Variants in LRRTM4 observed in about 807,000 individuals in gnomAD.
LRRTM4 encodes the protein leucine rich repeat transmembrane neuronal 4.
A neutral mutation model predicts 47.6 loss-of-function variants in LRRTM4; 25 were observed. That is an observed-to-expected ratio of 0.53 (90% CI 0.38 to 0.73). The LOEUF is 0.73. LRRTM4 is among the 30% of genes least tolerant of loss of function. The pLI is 0.00. For synonymous variants in LRRTM4, 311 were observed against 269.5 expected, an observed-to-expected ratio of 1.15 and a Z score of -1.51; for missense variants, 638 against 713.4, an observed-to-expected ratio of 0.89 and a Z score of 1.20.
At chr2:77,146,976 T>G (rs564230719) in intron 3 of LRRTM4, among the ~76,000 whole-genome samples, 2 of 152,342 alleles carry the variant, frequency 1.3e-5, no homozygotes, top group East Asian at 3.9e-4. Context: ...ATGAATGTAC[T>G]CATCATTAAC....
intron 3 of LRRTM4, among the ~76,000 whole-genome samples, chr2:76,786,579 AC>A (rs1303357763): frequency 6.6e-6 from 1 of 152,078 alleles, no homozygotes; most frequent in African/African-American, 2.4e-5. Context: ...ACCTACATTA[AC>A]AAACAGAGGA....
At chr2:77,210,695 C>A (rs889463387) in intron 3 of LRRTM4, among the ~76,000 whole-genome samples, 1 of 152,080 alleles carries the variant, frequency 6.6e-6, no homozygotes, top group African/African-American at 2.4e-5. Context: ...TTTCCCACTG[C>A]GTTTTCAGGG....
At chr2:77,498,322 G>A (rs1242537380) in intron 3 of LRRTM4, among the ~76,000 whole-genome samples, 3 of 151,816 alleles carry the variant, frequency 2.0e-5, no homozygotes, top group East Asian at 1.9e-4. Flanking sequence ...TCTTTTTAGC[G>A]ATTGTAGAAA....
chr2:77,407,449 C>A (rs547233918), intron 3 of LRRTM4, among the ~76,000 whole-genome samples: 1 of 150,212 alleles, frequency 6.7e-6, no homozygotes, highest in Non-Finnish European at 1.5e-5. Context: ...TAGTTTTGAG[C>A]GCAGGTTTTG....
chr2:77,114,152 A>G (rs928615343), intron 3 of LRRTM4, among the ~76,000 whole-genome samples: 1 of 152,106 alleles, frequency 6.6e-6, no homozygotes, highest in Admixed American at 6.6e-5. Flanking sequence ...GCAGGGGGTC[A>G]CGGGATTGCT....
intron 3 of LRRTM4, among the ~76,000 whole-genome samples, chr2:77,131,786 A>G (rs1227453054): frequency 6.6e-6 from 1 of 152,184 alleles, no homozygotes; most frequent in Non-Finnish European, 1.5e-5. Flanking sequence ...AATACTTAGG[A>G]GGAAGCATTC....
chr2:77,307,630 ATAAATATATAGATATAT>A, intron 3 of LRRTM4, among the ~76,000 whole-genome samples: 1 of 69,114 alleles, frequency 1.4e-5, no homozygotes, highest in South Asian at 5.5e-4. Flanking sequence ...TTATAGAAAT[ATAAATATATAGATATAT>A]CTATATATTA....
chr2:77,410,010 A>T (rs1359895716), intron 3 of LRRTM4, among the ~76,000 whole-genome samples: 1 of 152,158 alleles, frequency 6.6e-6, no homozygotes, highest in Non-Finnish European at 1.5e-5. Context: ...TATAGAAGTC[A>T]TGATTTCACT....
At chr2:77,056,829 C>G (rs566626315) in intron 3 of LRRTM4, among the ~76,000 whole-genome samples, 6 of 152,276 alleles carry the variant, frequency 3.9e-5, no homozygotes, top group East Asian at 1.9e-4. Context: ...AATTTCCCTT[C>G]ACACCCTAAA....
chr2:77,385,076 G>T (rs573262942), intron 3 of LRRTM4, among the ~76,000 whole-genome samples: 1 of 152,062 alleles, frequency 6.6e-6, no homozygotes, highest in Non-Finnish European at 1.5e-5. Context: ...AACACTGTTA[G>T]AAAGGTAAAT....
At chr2:76,853,327 T>C (rs1558693851) in intron 3 of LRRTM4, among the ~76,000 whole-genome samples, 1 of 152,140 alleles carries the variant, frequency 6.6e-6, no homozygotes, top group Non-Finnish European at 1.5e-5. Context: ...GGGCTCTTGG[T>C]CCCTCTAGAT....
intron 3 of LRRTM4, among the ~76,000 whole-genome samples, chr2:76,991,475 CAA>C (rs1314556611): frequency 2.6e-5 from 4 of 151,624 alleles, no homozygotes; most frequent in African/African-American, 9.7e-5. Flanking sequence ...GACAGAAATA[CAA>C]AAGATTCTCC....
intron 3 of LRRTM4, among the ~76,000 whole-genome samples, chr2:77,427,367 C>G (rs1675164184): frequency 6.6e-6 from 1 of 152,158 alleles, no homozygotes; most frequent in Admixed American, 6.5e-5. Flanking sequence ...AATAAGGACT[C>G]TTAGTCCACA....
chr2:76,783,225 C>G (rs141495753), intron 3 of LRRTM4, among the ~76,000 whole-genome samples: 1 of 152,094 alleles, frequency 6.6e-6, no homozygotes, highest in African/African-American at 2.4e-5. Context: ...AAGCAGTAAG[C>G]TAAATGTTGT....
chr2:77,187,386 A>T (rs1397472886), intron 3 of LRRTM4, among the ~76,000 whole-genome samples: 1 of 151,154 alleles, frequency 6.6e-6, no homozygotes, highest in Non-Finnish European at 1.5e-5. Flanking sequence ...ATCAAGGTGG[A>T]AGAGCCTGAG....
chr2:77,075,963 G>A (rs146736576), intron 3 of LRRTM4, among the ~76,000 whole-genome samples: 2 of 146,134 alleles, frequency 1.4e-5, no homozygotes, highest in East Asian at 4.1e-4. Flanking sequence ...GAATTAAGCT[G>A]GTTTCTGATA....
chr2:77,521,138 A>AG (rs1013330705), intron 2 of LRRTM4, among the ~76,000 whole-genome samples: 5 of 151,788 alleles, frequency 3.3e-5, no homozygotes, highest in East Asian at 1.9e-4. Flanking sequence ...GACAGGAGAA[A>AG]GGGGGGGAAA....
intron 3 of LRRTM4, among the ~76,000 whole-genome samples, chr2:76,900,195 C>T (rs1035492189): frequency 6.6e-6 from 1 of 152,054 alleles, no homozygotes; most frequent in African/African-American, 2.4e-5. Context: ...GATCACACCA[C>T]TGCACTCCAG....
intron 3 of LRRTM4, among the ~76,000 whole-genome samples, chr2:76,852,477 CTACT>C (rs1318477836): frequency 6.6e-6 from 1 of 152,174 alleles, no homozygotes; most frequent in Admixed American, 6.6e-5. Flanking sequence ...CAGATTTCAT[CTACT>C]TACTTTTCTG....
Sources: gnomAD v4.1 joint callset for allele counts (sites outside exome capture counted in the v4.1 genomes callset) on GRCh38, gnomAD v4.1.1 for gene constraint, MANE v1.5 for transcripts, NCBI Gene and HGNC (gene_info 2026-07-23, HGNC 2026-07-21) for gene names.